The following ZFPM1 variants were observed in gnomAD, a reference collection of about 807,000 sequenced individuals.
The protein encoded by ZFPM1 is zinc finger protein, FOG family member 1.
ZFPM1 carries 28 observed loss-of-function variants against 46.3 expected under a neutral mutation model. The ratio of observed to expected loss-of-function variants is 0.60; its 90% CI spans 0.45 to 0.83. The LOEUF (loss-of-function observed/expected upper bound fraction) is 0.83. Among genes scored for constraint, ZFPM1 ranks in the 40% least tolerant of loss-of-function variants. The probability of loss-of-function intolerance (pLI) is 0.00; values close to 1 mark genes in which losing one functional copy is unlikely to be tolerated. For missense variants in ZFPM1, 1,878 were observed against 1,432.4 expected (o/e 1.31, Z -5.02); for synonymous variants, 957 against 675.9 (o/e 1.42, Z -6.45).
At chr16:88,464,433 C>G (rs1205250949) in intron 1 of ZFPM1, among the ~76,000 whole-genome samples, 3 of 152,256 alleles carry the variant, frequency 2.0e-5, no homozygotes, top group African/African-American at 7.2e-5. Flanking sequence ...CTGTCCCCAA[C>G]ACCACCTACC....
chr16:88,512,066 T>C (rs1438823560), intron 3 of ZFPM1, among the ~76,000 whole-genome samples: 1 of 152,204 alleles, frequency 6.6e-6, no homozygotes, highest in East Asian at 1.9e-4. Flanking sequence ...TCTCTGGCAG[T>C]GTGTGATACC....
At chr16:88,461,015 TGGGGC>T (rs1224553947) in intron 1 of ZFPM1, among the ~76,000 whole-genome samples, 3 of 8,190 alleles carry the variant, frequency 3.7e-4, no homozygotes, top group African/African-American at 1.5e-3. Context: ...GACCGAGGGG[TGGGGC>T]GGGAGGCCTG....
chr16:88,504,408 A>G (rs749679), intron 3 of ZFPM1, among the ~76,000 whole-genome samples: 53,164 of 151,866 alleles, frequency 0.35, 9,650 homozygotes, highest in East Asian at 0.47. Context: ...GAGGCAAATC[A>G]GCTCCCTCTC....
At chr16:88,511,180 C>A (rs1463179803) in intron 3 of ZFPM1, among the ~76,000 whole-genome samples, 1 of 152,194 alleles carries the variant, frequency 6.6e-6, no homozygotes, top group Non-Finnish European at 1.5e-5. Flanking sequence ...GCTGTCGGTG[C>A]CGGTGGGGGT....
At chr16:88,454,806 T>G (rs1907463478) in intron 1 of ZFPM1, among the ~76,000 whole-genome samples, 1 of 152,144 alleles carries the variant, frequency 6.6e-6, no homozygotes, top group Admixed American at 6.5e-5. Context: ...GTCTGAGCCC[T>G]GCCAGGAGGC....
chr16:88,487,746 G>A (rs532428658), intron 2 of ZFPM1, among the ~76,000 whole-genome samples: 14 of 152,296 alleles, frequency 9.2e-5, no homozygotes, highest in Admixed American at 2.0e-4. Flanking sequence ...AGCCTGCTGC[G>A]CCTGGGCCCC....
intron 1 of ZFPM1, among the ~76,000 whole-genome samples, chr16:88,466,575 G>A (rs1408797672): frequency 6.6e-6 from 1 of 152,208 alleles, no homozygotes; most frequent in East Asian, 1.9e-4. Context: ...GGGCCGCACA[G>A]CCCATCCTGG....
rs1357646906 is a variant in ZFPM1, at chr16:88,534,256, C to T, written c.2298C>T (p.Pro766=). 4.7e-6 allele frequency: 5 copies of T among 1,059,534 alleles called. No individual in the cohort carries two copies. Among genetic ancestry groups the T allele is most frequent in the South Asian group, 4.5e-5 (1 of 22,272 alleles). 65.6% of individuals were successfully genotyped at this position (1,059,534 alleles called of 1,614,324 possible). ...PPPPPGHAPA[P]ESPRPGSGSG... is the part of the protein sequence containing the mutation. ...CGCCGCCCGGCCACGCCCCCGCGCC[C>T]GAGTCGCCGCGGCCCGGAAGCGGAA... The change falls in exon 10 of 10, where the codon CCC becomes CCT. Residue 766 remains proline (P), a synonymous_variant. Transcript: ENST00000319555.
Position 88,533,686 on chromosome 16 carries a change from C to A in ZFPM1, c.1728C>A (p.Gly576=). ...QTGLFPGAPK[G]ATCFECEITF... is the part of the protein sequence containing the mutation. ...GGCTCTTCCCCGGGGCCCCCAAGGG[C>A]GCTACGTGCTTCGAGTGCGAGATCA... The change falls in exon 10 of 10, where the codon GGC becomes GGA. Residue 576 remains glycine, a synonymous_variant. Coordinates refer to ENST00000319555, the MANE Select transcript of ZFPM1 (RefSeq NM_153813.3). The A allele has an allele frequency of 6.7e-7, 1 of 1,497,896 alleles. No individual in the cohort carries two copies. Among genetic ancestry groups the A allele is most frequent in the Non-Finnish European group, 8.9e-7 (1 of 1,117,444 alleles). The allele number at this position is 1,497,896 out of a possible 1,614,324, so 92.8% of individuals were successfully genotyped here.
chr16:88,475,153 A>G (rs1438237854), intron 1 of ZFPM1, among the ~76,000 whole-genome samples: 2 of 152,180 alleles, frequency 1.3e-5, no homozygotes, highest in Non-Finnish European at 2.9e-5. Context: ...CAGCTCCGGG[A>G]GGAGCCATGC....
At chr16:88,481,021 A>T (rs1280928741) in intron 1 of ZFPM1, among the ~76,000 whole-genome samples, 1 of 152,248 alleles carries the variant, frequency 6.6e-6, no homozygotes, top group Non-Finnish European at 1.5e-5. Flanking sequence ...AGTTGATGAA[A>T]TTCCGCTATC....
rs1908319388 is a variant in ZFPM1 at position 88,469,606 on chromosome 16, C to T, written c.40+15928C>T. On this transcript the variant is annotated intron_variant, in intron 1 of 9. Coordinates refer to ENST00000319555, the MANE Select transcript of ZFPM1 (RefSeq NM_153813.3). This position sits in a 1 kb window ranked among gnomAD's most constrained non-coding sequence, Gnocchi z 4.3. Reference sequence around the variant, plus strand: ...CTGTGTTCTGCATCCACCCACACTGCACAGTGGGTCTTGCTGGCAAGACCA... The same window carrying T: ...CTGTGTTCTGCATCCACCCACACTGTACAGTGGGTCTTGCTGGCAAGACCA... Among the ~76,000 whole-genome samples the T allele has an allele frequency of 6.6e-6, 1 of 152,240 alleles. No individual in the cohort carries two copies. Among genetic ancestry groups the T allele is most frequent in the African/African-American group, 2.4e-5 (1 of 41,458 alleles).
At position 88,528,209 on chromosome 16, in the gene ZFPM1, C is replaced by A. The variant is rs777298879; in HGVS notation, c.683C>A (p.Ala228Asp). 3 of 1,610,102 alleles carry A rather than the reference C, an allele frequency of 1.9e-6. No homozygotes were observed. Among genetic ancestry groups the A allele is most frequent in the South Asian group, 2.2e-5 (2 of 90,830 alleles). Residue 228 changes from alanine (A) to aspartate (D), a missense_variant, in exon 6 of 10, where the codon GCC (alanine) becomes GAC (aspartate). Transcript: ENST00000319555. Reference protein sequence around the residue: ...LQLLPQQAGMASILATAVINK... With the variant: ...LQLLPQQAGMDSILATAVINK... ...CTCCTGCCCCAGCAGGCCGGGATGGCCTCCATCCTTGCCACCGCAGTGATC... is the reference window on the plus strand; with the variant it reads ...CTCCTGCCCCAGCAGGCCGGGATGGACTCCATCCTTGCCACCGCAGTGATC...
At chr16:88,519,048 A>ATGGATG (rs1911581857) in intron 4 of ZFPM1, among the ~76,000 whole-genome samples, 2 of 107,924 alleles carry the variant, frequency 1.9e-5, no homozygotes, top group African/African-American at 4.0e-5. Context: ...GTGGATGGAT[A>ATGGATG]GATGGATGGA....
At chr16:88,515,076 T>C (rs1390316902) in intron 4 of ZFPM1, among the ~76,000 whole-genome samples, 1 of 152,228 alleles carries the variant, frequency 6.6e-6, no homozygotes, top group Admixed American at 6.5e-5. Context: ...TTGGATGTAC[T>C]TCTGGGGCTA....
chr16:88,516,074 C>A, intron 4 of ZFPM1: 1 of 398,412 alleles, frequency 2.5e-6, no homozygotes, highest in South Asian at 1.3e-4. Context: ...TCCTCCTCCC[C>A]GCACCCTACG....
At chr16:88,460,282 G>A (rs1907759002) in intron 1 of ZFPM1, among the ~76,000 whole-genome samples, 1 of 152,204 alleles carries the variant, frequency 6.6e-6, no homozygotes, top group Non-Finnish European at 1.5e-5. Context: ...TGTTGGCAGG[G>A]CCCGGAGAGC....
intron 3 of ZFPM1, among the ~76,000 whole-genome samples, chr16:88,504,933 G>A (rs1215319721): frequency 6.6e-6 from 1 of 152,106 alleles, no homozygotes; most frequent in African/African-American, 2.4e-5. Flanking sequence ...CCAGGTCCCT[G>A]CAGGAGAGCT....
intron 1 of ZFPM1, among the ~76,000 whole-genome samples, chr16:88,457,616 C>T (rs533793194): frequency 2.0e-5 from 3 of 152,218 alleles, no homozygotes; most frequent in East Asian, 1.9e-4. Context: ...ATCCCAGCCA[C>T]GTTTTTCTCT....
Sources: allele counts gnomAD v4.1 joint callset (sites outside exome capture counted in the v4.1 genomes callset), GRCh38; gene constraint gnomAD v4.1.1; non-coding constraint Gnocchi (gnomAD v3.1); transcripts MANE v1.5; gene names NCBI Gene and HGNC (gene_info 2026-07-23, HGNC 2026-07-21).